Variants in SCN11A observed in about 807,000 individuals in gnomAD.
SCN11A encodes sodium channel protein type 11 subunit alpha.
In SCN11A, 122 loss-of-function variants were observed where a neutral mutation model predicts 162.2. The observed-to-expected ratio is 0.75, with a 90% CI of 0.65 to 0.87. The LOEUF (loss-of-function observed/expected upper bound fraction) is 0.87. SCN11A is among the 40% of genes least tolerant of loss of function. The pLI is 0.00. For missense variants in SCN11A, 2,015 were observed against 2,181.6 expected (o/e 0.92, Z 1.52); for synonymous variants, 758 against 751.5 (o/e 1.01, Z -0.14).
rs1296647587 is a variant in SCN11A, at chr3:38,967,842, A to T, written c.-279-7419T>A. ...GTATTCAGCAAAGGCATCAACGCCC[A>T]ACTCATGAGAGCTCCTGCAACAGTG... On this transcript the variant is annotated intron_variant, in intron 2 of 29. Coordinates refer to ENST00000302328, the MANE Select transcript of SCN11A (RefSeq NM_001349253.2). Among the ~76,000 whole-genome samples the T allele has an allele frequency of 2.6e-5, 4 of 152,376 alleles. No homozygotes were observed. In the East Asian group the frequency reaches 5.8e-4, roughly 22 times the overall value.
intron 2 of SCN11A, among the ~76,000 whole-genome samples, chr3:39,006,592 A>G (rs1241140461): frequency 3.3e-5 from 5 of 152,198 alleles, no homozygotes; most frequent in African/African-American, 1.2e-4. Flanking sequence ...AAAAAGAAGA[A>G]GAAGAAAACA....
At chr3:38,854,022 A>T (rs780679357) in intron 28 of SCN11A, among the ~76,000 whole-genome samples, 1 of 152,226 alleles carries the variant, frequency 6.6e-6, no homozygotes, top group Non-Finnish European at 1.5e-5. Flanking sequence ...CTATAGGACA[A>T]ATCCAGTGAC....
At chr3:38,920,126 T>C in intron 10 of SCN11A, 125 bp from the exon 11 acceptor site, 1 of 726,472 alleles carries the variant, frequency 1.4e-6, no homozygotes, top group Admixed American at 2.6e-5. Context: ...TTAAAGGAGG[T>C]GTGTCCAGAG....
intron 2 of SCN11A, among the ~76,000 whole-genome samples, chr3:38,986,743 T>C (rs1390383718): frequency 3.9e-5 from 6 of 152,078 alleles, no homozygotes; most frequent in Non-Finnish European, 8.8e-5. Flanking sequence ...CATTGAAATA[T>C]GGGGCAGATC....
At chr3:38,892,383 A>G (rs370636076) in intron 19 of SCN11A, among the ~76,000 whole-genome samples, 1 of 152,216 alleles carries the variant, frequency 6.6e-6, no homozygotes, top group Admixed American at 6.5e-5. Context: ...GCTGATTTCA[A>G]AAGCAATTGT....
chr3:39,049,304 C>T (rs2032264865), intron 1 of SCN11A, among the ~76,000 whole-genome samples: 1 of 152,236 alleles, frequency 6.6e-6, no homozygotes, highest in Non-Finnish European at 1.5e-5. Context: ...CCAATAAATT[C>T]CATGGGCAAT....
At chr3:38,870,367 T>C (rs992254914) in intron 26 of SCN11A, among the ~76,000 whole-genome samples, 5 of 152,144 alleles carry the variant, frequency 3.3e-5, no homozygotes, top group African/African-American at 1.2e-4. Context: ...TATCCAACCA[T>C]TTGGAGAAGA....
chr3:38,895,304 A>G (rs891407571), intron 18 of SCN11A, among the ~76,000 whole-genome samples: 3 of 152,204 alleles, frequency 2.0e-5, no homozygotes, highest in African/African-American at 7.2e-5. Flanking sequence ...ACAGCTGGAT[A>G]GTGAGCTTTG....
intron 7 of SCN11A, among the ~76,000 whole-genome samples, chr3:38,943,775 A>C (rs1056481446): frequency 1.3e-5 from 2 of 152,082 alleles, no homozygotes; most frequent in African/African-American, 4.8e-5. Context: ...GATCACATGG[A>C]GGTAGAGAAT....
chr3:38,886,188 T>C lies in SCN11A; in HGVS notation c.2886A>G (p.Gln962=). 6.2e-7 allele frequency: 1 copy of C among 1,613,064 alleles called. No individual in the cohort carries two copies. Among genetic ancestry groups the C allele is most frequent in the South Asian group, 1.1e-5 (1 of 90,996 alleles). Residue 962 remains glutamine (Q), a synonymous_variant, in exon 20 of 30, where the codon CAA becomes CAG. Coordinates refer to ENST00000302328, the MANE Select transcript of SCN11A (RefSeq NM_001349253.2). ...ENKKPTSQRV[Q]SVEIDMFSED... Reference sequence around the variant, plus strand: ...CAGAGAACATGTCAATTTCCACACTTTGAACTCTCTGGCTCGTGGGCTTCT... The same window carrying C: ...CAGAGAACATGTCAATTTCCACACTCTGAACTCTCTGGCTCGTGGGCTTCT...
chr3:38,867,070 G>C (rs2065052504), intron 27 of SCN11A, among the ~76,000 whole-genome samples: 1 of 152,180 alleles, frequency 6.6e-6, no homozygotes, highest in Non-Finnish European at 1.5e-5. Flanking sequence ...CATCTCAATA[G>C]TAGCAATGTC....
intron 19 of SCN11A, among the ~76,000 whole-genome samples, chr3:38,894,014 A>C (rs1269471133): frequency 6.6e-6 from 1 of 152,076 alleles, no homozygotes; most frequent in East Asian, 1.9e-4. Flanking sequence ...GAAGTTACCC[A>C]GTCTATAATA....
chr3:38,997,367 T>C (rs1027906946), intron 2 of SCN11A, among the ~76,000 whole-genome samples: 2 of 152,238 alleles, frequency 1.3e-5, no homozygotes, highest in Non-Finnish European at 2.9e-5. Flanking sequence ...CGTCCCCAGA[T>C]GTGAAAATGC....
chr3:38,902,548 C>T (rs1373531613), intron 16 of SCN11A, among the ~76,000 whole-genome samples: 5 of 150,094 alleles, frequency 3.3e-5, no homozygotes, highest in African/African-American at 1.2e-4. Context: ...GATGGAGTCT[C>T]ACTTTGTCAC....
At chr3:38,890,657 C>T (rs1430597606) in intron 19 of SCN11A, among the ~76,000 whole-genome samples, 2 of 152,242 alleles carry the variant, frequency 1.3e-5, no homozygotes, top group South Asian at 2.1e-4. Flanking sequence ...GAGCAATTAT[C>T]CAGCAATTAG....
intron 14 of SCN11A, among the ~76,000 whole-genome samples, chr3:38,906,749 T>A (rs2065798069): frequency 6.6e-6 from 1 of 152,264 alleles, no homozygotes; most frequent in South Asian, 2.1e-4. Flanking sequence ...ATTTCATAAA[T>A]CCAGTCATAT....
chr3:38,871,761 G>A, intron 24 of SCN11A, 53 bp from the exon 25 acceptor site: 2 of 1,455,446 alleles, frequency 1.4e-6, no homozygotes, highest in Non-Finnish European at 1.9e-6. Context: ...GATGCACCAG[G>A]CTCTTCAACT....
At chr3:38,878,686 G>A (rs915213464) in intron 23 of SCN11A, among the ~76,000 whole-genome samples, 2 of 152,056 alleles carry the variant, frequency 1.3e-5, no homozygotes, top group Non-Finnish European at 2.9e-5. Flanking sequence ...GAACCACAAT[G>A]AGCTTCTGTT....
At chr3:38,996,521 CCA>C (rs777597821) in intron 2 of SCN11A, among the ~76,000 whole-genome samples, 4 of 152,106 alleles carry the variant, frequency 2.6e-5, no homozygotes, top group Non-Finnish European at 5.9e-5. Context: ...CCATAAGGCC[CCA>C]GTTATCTTGG....
Sources: gnomAD v4.1 joint callset for allele counts (sites outside exome capture counted in the v4.1 genomes callset) on GRCh38, gnomAD v4.1.1 for gene constraint, MANE v1.5 for transcripts, NCBI Gene and HGNC (gene_info 2026-07-23, HGNC 2026-07-21) for gene names.